The following ST6GALNAC3 variants were observed in gnomAD, a reference collection of about 807,000 sequenced individuals.
ST6GALNAC3 encodes ST6 N-acetylgalactosaminide alpha-2,6-sialyltransferase 3.
In ST6GALNAC3, 25 loss-of-function variants were observed where a neutral mutation model predicts 32.7. That is an observed-to-expected ratio of 0.76 (90% confidence interval 0.56 to 1.07). The LOEUF is 1.07. Among genes scored for constraint, ST6GALNAC3 ranks in the 50% least tolerant of loss-of-function variants. The probability of loss-of-function intolerance (pLI) is 0.00; values close to 1 mark genes in which losing one functional copy is unlikely to be tolerated. For synonymous variants in ST6GALNAC3, 129 were observed against 133.1 expected, an observed-to-expected ratio of 0.97 and a Z score of 0.21; for missense variants, 355 against 382.4, an observed-to-expected ratio of 0.93 and a Z score of 0.60.
At chr1:76,336,665 A>G (rs1647501249) in intron 2 of ST6GALNAC3, among the ~76,000 whole-genome samples, 1 of 152,204 alleles carries the variant, frequency 6.6e-6, no homozygotes, top group Non-Finnish European at 1.5e-5. Flanking sequence ...AGGGCTGTCA[A>G]GACATCTCAG....
intron 1 of ST6GALNAC3, among the ~76,000 whole-genome samples, chr1:76,137,815 T>G (rs980572731): frequency 5.3e-5 from 8 of 152,178 alleles, no homozygotes; most frequent in Non-Finnish European, 1.0e-4. Context: ...GCAGGAAATA[T>G]CTATATGATT....
intron 1 of ST6GALNAC3, among the ~76,000 whole-genome samples, chr1:76,174,062 G>C (rs7528649): frequency 6.6e-6 from 1 of 151,952 alleles, no homozygotes; most frequent in African/African-American, 2.4e-5. Flanking sequence ...CACTATTTAC[G>C]ATAGCAAAGA....
intron 1 of ST6GALNAC3, among the ~76,000 whole-genome samples, chr1:76,256,150 C>A (rs1377679731): frequency 6.6e-6 from 1 of 151,930 alleles, no homozygotes; most frequent in Admixed American, 6.6e-5. Context: ...AAAAATATAT[C>A]TCTACTTCAT....
chr1:76,376,063 TCTTA>T (rs1651201281), intron 2 of ST6GALNAC3, among the ~76,000 whole-genome samples: 1 of 151,890 alleles, frequency 6.6e-6, no homozygotes, highest in Admixed American at 6.6e-5. Context: ...GATGCTAGAC[TCTTA>T]CTTTTTAGTG....
Position 76,404,849 on chromosome 1 carries a change from G to A in ST6GALNAC3, c.214-7159G>A, listed in dbSNP as rs143109088. On this transcript the variant is annotated intron_variant, in intron 2 of 4. Coordinates refer to ENST00000328299, the MANE Select transcript of ST6GALNAC3 (RefSeq NM_152996.4). ...TGTCCCATCTCCAATTTTTAAAATG[G>A]CATCCTTATGGTTGAAATGAAAGGA... is the stretch of plus-strand genomic sequence containing the variant. 1.1e-3 allele frequency among the ~76,000 whole-genome samples: 161 copies of A among 152,110 alleles called. 1 individual carries two copies. The highest frequency in any genetic ancestry group is 6.6e-3 in the South Asian group (32 of 4,818).
intron 1 of ST6GALNAC3, among the ~76,000 whole-genome samples, chr1:76,301,928 C>T (rs1316198741): frequency 6.6e-6 from 1 of 151,684 alleles, no homozygotes; most frequent in East Asian, 1.9e-4. Flanking sequence ...TTGGGCAGCT[C>T]CAGGACTGTT....
chr1:76,567,665 C>G (rs777792793), intron 3 of ST6GALNAC3, among the ~76,000 whole-genome samples: 11 of 152,136 alleles, frequency 7.2e-5, no homozygotes, highest in Admixed American at 6.5e-5. Flanking sequence ...CAGCCTAAAT[C>G]AAATCATACT....
At chr1:76,453,260 T>G (rs1161360012) in intron 3 of ST6GALNAC3, among the ~76,000 whole-genome samples, 1 of 152,186 alleles carries the variant, frequency 6.6e-6, no homozygotes. Flanking sequence ...TTGTATTTTT[T>G]TTGTTTCAAT....
intron 1 of ST6GALNAC3, among the ~76,000 whole-genome samples, chr1:76,286,807 T>A (rs188693436): frequency 7.8e-4 from 119 of 152,302 alleles, no homozygotes; most frequent in Middle Eastern, 3.4e-3. Flanking sequence ...ACCAGGAAAG[T>A]GGGACAATTG....
At chr1:76,367,974 C>T (rs567052338) in intron 2 of ST6GALNAC3, among the ~76,000 whole-genome samples, 1 of 152,244 alleles carries the variant, frequency 6.6e-6, no homozygotes, top group Admixed American at 6.5e-5. Flanking sequence ...GCAAAGCGAA[C>T]CTGTGGTCTC....
At chr1:76,261,623 A>G (rs1030801847) in intron 1 of ST6GALNAC3, among the ~76,000 whole-genome samples, 1 of 152,246 alleles carries the variant, frequency 6.6e-6, no homozygotes, top group African/African-American at 2.4e-5. Flanking sequence ...AAGAATGACC[A>G]TGAGGACAAA....
At chr1:76,092,417 G>T (rs545003546) in intron 1 of ST6GALNAC3, among the ~76,000 whole-genome samples, 1 of 152,234 alleles carries the variant, frequency 6.6e-6, no homozygotes, top group South Asian at 2.1e-4. Context: ...TTCATAACTT[G>T]ACTTTCAAAA....
intron 1 of ST6GALNAC3, among the ~76,000 whole-genome samples, chr1:76,191,620 A>G (rs981960981): frequency 6.6e-6 from 1 of 152,244 alleles, no homozygotes; most frequent in Non-Finnish European, 1.5e-5. Context: ...TATATGTATC[A>G]AAACATCAAT....
chr1:76,316,071 G>C (rs552382470), intron 2 of ST6GALNAC3, among the ~76,000 whole-genome samples: 2 of 151,960 alleles, frequency 1.3e-5, no homozygotes, highest in South Asian at 4.2e-4. Flanking sequence ...AAATCACAAA[G>C]AGATACTAAT....
chr1:76,331,760 C>A (rs1266187407), intron 2 of ST6GALNAC3, among the ~76,000 whole-genome samples: 1 of 152,176 alleles, frequency 6.6e-6, no homozygotes, highest in Non-Finnish European at 1.5e-5. Context: ...ACTGTCAAAA[C>A]TCTTCTAATG....
At chr1:76,562,878 C>T (rs1211584293) in intron 3 of ST6GALNAC3, among the ~76,000 whole-genome samples, 1 of 152,090 alleles carries the variant, frequency 6.6e-6, no homozygotes, top group East Asian at 1.9e-4. Flanking sequence ...GATGAAGAGA[C>T]CAAGCCCTCA....
At chr1:76,438,266 C>G (rs931394948) in intron 3 of ST6GALNAC3, among the ~76,000 whole-genome samples, 3 of 152,040 alleles carry the variant, frequency 2.0e-5, no homozygotes, top group Non-Finnish European at 4.4e-5. Flanking sequence ...ATTCTCCTGC[C>G]TCAGCCTCCT....
At chr1:76,519,350 C>T (rs1411902839) in intron 3 of ST6GALNAC3, among the ~76,000 whole-genome samples, 1 of 152,094 alleles carries the variant, frequency 6.6e-6, no homozygotes, top group Non-Finnish European at 1.5e-5. Flanking sequence ...CATGCTTCTA[C>T]AGTCTCTTTG....
intron 1 of ST6GALNAC3, among the ~76,000 whole-genome samples, chr1:76,295,137 T>C (rs891309070): frequency 6.6e-6 from 1 of 152,028 alleles, no homozygotes; most frequent in African/African-American, 2.4e-5. Flanking sequence ...TTTCTTTTTC[T>C]TTTTCTCTAT....
Sources: allele counts gnomAD v4.1 joint callset (sites outside exome capture counted in the v4.1 genomes callset), GRCh38; gene constraint gnomAD v4.1.1; transcripts MANE v1.5; gene names NCBI Gene and HGNC (gene_info 2026-07-23, HGNC 2026-07-21).